Variants in GLCCI1 observed in about 807,000 individuals in gnomAD.
GLCCI1 encodes glucocorticoid induced 1.
Under a neutral mutation model 52.2 loss-of-function variants are expected in GLCCI1, and 24 were observed. The ratio of observed to expected loss-of-function variants is 0.46; its 90% CI spans 0.33 to 0.65. The LOEUF (loss-of-function observed/expected upper bound fraction) is 0.65, where lower values mean the gene tolerates loss of function less well. GLCCI1 is among the 30% of genes least tolerant of loss of function. GLCCI1 has a pLI of 0.02. For missense variants in GLCCI1, 704 were observed against 701.5 expected (o/e 1.00, Z -0.04); for synonymous variants, 310 against 276.5 (o/e 1.12, Z -1.20).
intron 1 of GLCCI1, among the ~76,000 whole-genome samples, chr7:7,971,660 G>GAA (rs1393459267): frequency 2.6e-5 from 4 of 152,112 alleles, no homozygotes; most frequent in Non-Finnish European, 5.9e-5. Context: ...TTGTTTTTCT[G>GAA]CATCCTTCAA....
chr7:8,011,943 G>A (rs1304068417), intron 2 of GLCCI1, among the ~76,000 whole-genome samples: 1 of 151,892 alleles, frequency 6.6e-6, no homozygotes, highest in Non-Finnish European at 1.5e-5. Flanking sequence ...AGCCTCCCCA[G>A]CAGCTGGCAC....
chr7:7,969,165 C>T lies in GLCCI1; in HGVS notation c.-186C>T, dbSNP rs376644051. Reference sequence around the variant, plus strand: ...TTGTTTTCGCAGCCTTCCCCTCCCCCCTCGCCGAGGCGGCGGGGGTGTGCG... The same window carrying T: ...TTGTTTTCGCAGCCTTCCCCTCCCCTCTCGCCGAGGCGGCGGGGGTGTGCG... On this transcript the variant is annotated 5_prime_UTR_variant, in exon 1 of 8. Coordinates refer to ENST00000223145, the MANE Select transcript of GLCCI1 (RefSeq NM_138426.4). The surrounding 1 kb of genome is among the most constrained non-coding windows in gnomAD (Gnocchi z 4.9). 1.6e-5 allele frequency: 8 copies of T among 513,874 alleles called. No homozygotes were observed. The highest frequency in any genetic ancestry group is 6.1e-5 in the African/African-American group (3 of 49,006). 31.8% of individuals were successfully genotyped at this position (513,874 alleles called of 1,614,324 possible).
At chr7:8,040,885 T>C (rs971434800) in intron 3 of GLCCI1, among the ~76,000 whole-genome samples, 1 of 152,188 alleles carries the variant, frequency 6.6e-6, no homozygotes, top group Non-Finnish European at 1.5e-5. Context: ...CTTCCTTATT[T>C]CCTGAGACAC....
intron 1 of GLCCI1, chr7:7,981,682 A>C (rs550388249): frequency 4.0e-6 from 1 of 247,252 alleles, no homozygotes; most frequent in East Asian, 1.3e-4. Flanking sequence ...TATAGATGAC[A>C]GAAGAAAACA....
At position 8,003,915 on chromosome 7, in the gene GLCCI1, G is replaced by A. The variant is rs1192364431; in HGVS notation, c.465G>A (p.Lys155=). 1.2e-6 allele frequency: 2 copies of A among 1,610,376 alleles called. No individual in the cohort carries two copies. Among genetic ancestry groups the A allele is most frequent in the Admixed American group, 3.4e-5 (2 of 59,256 alleles). ...SPGSPVCRAD[K]AKSQQVRTSS... Reference sequence around the variant, plus strand: ...TTTTTTCACTTTCTGTAGCGGACAAGGCAAAATCTCAGCAAGTTCGGACCT... The same window carrying A: ...TTTTTTCACTTTCTGTAGCGGACAAAGCAAAATCTCAGCAAGTTCGGACCT... The change falls in exon 2 of 8, where the codon AAG becomes AAA. Residue 155 remains lysine (K), a synonymous_variant. Coordinates refer to ENST00000223145, the MANE Select transcript of GLCCI1 (RefSeq NM_138426.4).
intron 5 of GLCCI1, among the ~76,000 whole-genome samples, chr7:8,067,590 T>G (rs186561771): frequency 2.8e-4 from 42 of 152,280 alleles, no homozygotes; most frequent in Non-Finnish European, 1.2e-4. Flanking sequence ...CTCTTACCAT[T>G]TGCTTGTCTG....
chr7:7,999,462 G>T (rs759192944), intron 1 of GLCCI1, among the ~76,000 whole-genome samples: 35 of 151,958 alleles, frequency 2.3e-4, no homozygotes, highest in Non-Finnish European at 4.6e-4. Context: ...TTAAAAATTA[G>T]CCAGATGTGG....
intron 3 of GLCCI1, among the ~76,000 whole-genome samples, chr7:8,030,006 A>G (rs1470884469): frequency 6.6e-6 from 1 of 152,192 alleles, no homozygotes; most frequent in Non-Finnish European, 1.5e-5. Flanking sequence ...TGCAATTCCT[A>G]TCAAAATACC....
chr7:8,031,441 G>A (rs916623213), intron 3 of GLCCI1, among the ~76,000 whole-genome samples: 6 of 152,006 alleles, frequency 3.9e-5, no homozygotes, highest in African/African-American at 1.4e-4. Flanking sequence ...AATGGTTAAT[G>A]GGGGAAAAAG....
chr7:7,988,105 T>C (rs1562418002), intron 1 of GLCCI1, among the ~76,000 whole-genome samples: 1 of 152,114 alleles, frequency 6.6e-6, no homozygotes, highest in East Asian at 1.9e-4. Flanking sequence ...TATGAGAATA[T>C]AGTCTTTCAT....
intron 5 of GLCCI1, among the ~76,000 whole-genome samples, chr7:8,061,682 T>C (rs77453012): frequency 9.2e-6 from 1 of 109,024 alleles, no homozygotes; most frequent in Non-Finnish European, 2.0e-5. Context: ...TTTTTTTTTT[T>C]TTGAGACAGG....
intron 1 of GLCCI1, 199 bp downstream of exon 1, chr7:7,970,006 C>A: frequency 3.6e-6 from 2 of 561,914 alleles, no homozygotes; most frequent in Non-Finnish European, 4.8e-6. Flanking sequence ...GACCCTCATG[C>A]CGCCCCTCAG....
intron 3 of GLCCI1, among the ~76,000 whole-genome samples, chr7:8,028,926 G>A (rs1054546302): frequency 6.6e-6 from 1 of 151,966 alleles, no homozygotes; most frequent in Non-Finnish European, 1.5e-5. Context: ...GCCCAAATGG[G>A]CCAATAACAA....
chr7:8,004,163 A>G (rs1010081451), intron 2 of GLCCI1, 104 bp downstream of exon 2: 29 of 1,061,720 alleles, frequency 2.7e-5, no homozygotes, highest in Non-Finnish European at 3.8e-5. Flanking sequence ...TTTGAAATAC[A>G]TCCAACCAAG....
At position 8,060,123 on chromosome 7, in the gene GLCCI1, C is replaced by T. The variant is rs866386186; in HGVS notation, c.841C>T (p.Pro281Ser). 3.1e-6 allele frequency: 5 copies of T among 1,613,402 alleles called. No homozygotes were observed. Among genetic ancestry groups the T allele is most frequent in the Non-Finnish European group, 4.2e-6 (5 of 1,179,684 alleles). ...TACTGGATCAAGGTCAGTTCCTATG[C>T]CACTGTCAAATATATCAGTGCCAAA... is the stretch of plus-strand genomic sequence containing the variant. ...QATGSRSVPMPLSNISVPKSS... is the reference protein window; with the variant it reads ...QATGSRSVPMSLSNISVPKSS... Residue 281 changes from proline (P) to serine (S), a missense_variant, in exon 5 of 8, where the codon CCA (proline) becomes TCA (serine). Transcript: ENST00000223145.
At chr7:8,077,987 C>T (rs933813625) in intron 6 of GLCCI1, among the ~76,000 whole-genome samples, 9 of 152,076 alleles carry the variant, frequency 5.9e-5, no homozygotes, top group Admixed American at 5.2e-4. Context: ...GTAATCCCAG[C>T]ACTTTGGGAG....
intron 2 of GLCCI1, among the ~76,000 whole-genome samples, chr7:8,017,147 C>G (rs1043170566): frequency 6.6e-6 from 1 of 152,184 alleles, no homozygotes; most frequent in Middle Eastern, 3.2e-3. Context: ...ACTCCCTCCT[C>G]CATTACTTAG....
intron 5 of GLCCI1, 102 bp downstream of exon 5, chr7:8,060,350 A>G (rs1300212135): frequency 1.1e-6 from 1 of 876,376 alleles, no homozygotes; most frequent in Non-Finnish European, 1.8e-6. Flanking sequence ...TAATTCACAT[A>G]CCATCCAGTT....
intron 1 of GLCCI1, among the ~76,000 whole-genome samples, chr7:7,977,962 A>G (rs186676846): frequency 6.6e-6 from 1 of 152,296 alleles, no homozygotes; most frequent in African/African-American, 2.4e-5. Flanking sequence ...AAGTATGCAC[A>G]ATGTATTATC....
Sources: gnomAD v4.1 joint callset for allele counts (sites outside exome capture counted in the v4.1 genomes callset) on GRCh38, gnomAD v4.1.1 for gene constraint, Gnocchi (gnomAD v3.1) non-coding constraint, MANE v1.5 for transcripts, NCBI Gene and HGNC (gene_info 2026-07-23, HGNC 2026-07-21) for gene names.